Variants in CCDC192 observed in about 807,000 individuals in gnomAD.
CCDC192 encodes the protein coiled-coil domain containing 192, also known as coiled-coil domain-containing protein 192.
At chr5:127,865,238 C>T (rs754159722) in intron 5 of CCDC192, among the ~76,000 whole-genome samples, 10 of 152,116 alleles carry the variant, frequency 6.6e-5, no homozygotes. Flanking sequence ...GAACAAAAAG[C>T]TTCTCTAAAT....
intron 6 of CCDC192, among the ~76,000 whole-genome samples, chr5:127,886,572 C>T (rs1752567060): frequency 6.6e-6 from 1 of 152,142 alleles, no homozygotes; most frequent in South Asian, 2.1e-4. Flanking sequence ...GTTTTCTCTT[C>T]CTTATGATTT....
chr5:127,777,349 A>G (rs1019318074), intron 3 of CCDC192, among the ~76,000 whole-genome samples: 22 of 152,008 alleles, frequency 1.4e-4, no homozygotes, highest in African/African-American at 4.1e-4. Context: ...GGTTGGGCCA[A>G]TTTCTCCCAT....
At chr5:127,796,344 C>T (rs1757164279) in intron 3 of CCDC192, among the ~76,000 whole-genome samples, 1 of 152,024 alleles carries the variant, frequency 6.6e-6, no homozygotes, top group Non-Finnish European at 1.5e-5. Context: ...CAGAGAATGC[C>T]CTGGGAGTTG....
intron 3 of CCDC192, among the ~76,000 whole-genome samples, chr5:127,779,411 T>C (rs1756057478): frequency 6.6e-6 from 1 of 152,130 alleles, no homozygotes; most frequent in African/African-American, 2.4e-5. Flanking sequence ...TTCTTCTGCC[T>C]CAGCCTCCCA....
intron 2 of CCDC192, among the ~76,000 whole-genome samples, chr5:127,746,382 G>C (rs182759090): frequency 6.6e-6 from 1 of 152,308 alleles, no homozygotes; most frequent in African/African-American, 2.4e-5. Context: ...AGAAGGCCTG[G>C]AGATATGGAT....
At chr5:127,929,513 T>C (rs1753959742) in intron 6 of CCDC192, among the ~76,000 whole-genome samples, 1 of 152,208 alleles carries the variant, frequency 6.6e-6, no homozygotes, top group Non-Finnish European at 1.5e-5. Flanking sequence ...CATTCAAGTG[T>C]CCTGTCATCA....
At chr5:127,865,883 T>G (rs941771429) in intron 5 of CCDC192, among the ~76,000 whole-genome samples, 8 of 152,070 alleles carry the variant, frequency 5.3e-5, no homozygotes, top group African/African-American at 1.9e-4. Flanking sequence ...GCTTTGTGCC[T>G]ATAGTACCCT....
chr5:127,939,006 G>A (rs909958819), intron 6 of CCDC192, among the ~76,000 whole-genome samples: 1 of 152,052 alleles, frequency 6.6e-6, no homozygotes, highest in Admixed American at 6.5e-5. Context: ...CTCCTGGGCT[G>A]GAAAGCACAG....
At chr5:127,854,626 T>C (rs1169439395) in intron 5 of CCDC192, among the ~76,000 whole-genome samples, 1 of 152,184 alleles carries the variant, frequency 6.6e-6, no homozygotes. Flanking sequence ...GACTCCTGCA[T>C]ATCTAACCTA....
chr5:127,779,452 C>T lies in CCDC192; in HGVS notation c.223-17651C>T, dbSNP rs553402830. Among the ~76,000 whole-genome samples, 147 of 152,032 alleles carry T rather than the reference C, an allele frequency of 9.7e-4. 1 individual carries two copies. Among genetic ancestry groups the T allele is most frequent in the African/African-American group, 3.4e-3 (142 of 41,412 alleles). On this transcript the variant is annotated intron_variant, in intron 3 of 6. Transcript: ENST00000514853. Reference sequence around the variant, plus strand: ...CTGGGACTACAGGTGCCCGCCACCACGCCTGGCTAATTTATTGTATTTTTA... The same window carrying T: ...CTGGGACTACAGGTGCCCGCCACCATGCCTGGCTAATTTATTGTATTTTTA...
intron 2 of CCDC192, among the ~76,000 whole-genome samples, chr5:127,735,807 A>G (rs1205027584): frequency 7.4e-6 from 1 of 134,360 alleles, no homozygotes; most frequent in Admixed American, 7.8e-5. Context: ...GAAGTTGCTT[A>G]TCAGCTTAAG....
intron 3 of CCDC192, among the ~76,000 whole-genome samples, chr5:127,757,633 C>T (rs549275143): frequency 6.6e-6 from 1 of 151,918 alleles, no homozygotes; most frequent in East Asian, 2.0e-4. Context: ...TAAGAATGTT[C>T]TTGAGAATAT....
At chr5:127,854,266 C>A (rs562032891) in intron 5 of CCDC192, among the ~76,000 whole-genome samples, 222 of 152,274 alleles carry the variant, frequency 1.5e-3, no homozygotes, top group African/African-American at 5.1e-3. Flanking sequence ...CAGAGACAAT[C>A]TCTTCAATTA....
intron 6 of CCDC192, among the ~76,000 whole-genome samples, chr5:127,915,415 G>A (rs556069423): frequency 1.3e-4 from 20 of 152,164 alleles, no homozygotes; most frequent in African/African-American, 3.9e-4. Flanking sequence ...ATGGAGCCTC[G>A]CTGTCGCCCA....
chr5:127,805,938 G>C (rs1012927711), intron 5 of CCDC192, among the ~76,000 whole-genome samples: 2 of 152,116 alleles, frequency 1.3e-5, no homozygotes, highest in Non-Finnish European at 2.9e-5. Context: ...AGTGGGTCTT[G>C]CTGCCAAGCT....
At chr5:127,767,544 T>G (rs1243377328) in intron 3 of CCDC192, among the ~76,000 whole-genome samples, 2 of 152,192 alleles carry the variant, frequency 1.3e-5, no homozygotes, top group African/African-American at 4.8e-5. Context: ...ATATTATTGC[T>G]TTTTGACCTT....
chr5:127,931,468 T>C (rs1355410822), intron 6 of CCDC192, among the ~76,000 whole-genome samples: 3 of 152,188 alleles, frequency 2.0e-5, no homozygotes, highest in Non-Finnish European at 4.4e-5. Flanking sequence ...CTTTGTCAAG[T>C]AGCCAGCACA....
intron 2 of CCDC192, among the ~76,000 whole-genome samples, chr5:127,749,402 T>A (rs1753988069): frequency 6.6e-6 from 1 of 152,152 alleles, no homozygotes; most frequent in Non-Finnish European, 1.5e-5. Flanking sequence ...TCTTTTTATA[T>A]GCTGGATTAC....
intron 2 of CCDC192, among the ~76,000 whole-genome samples, chr5:127,724,054 G>T (rs530382460): frequency 6.6e-6 from 1 of 152,236 alleles, no homozygotes; most frequent in African/African-American, 2.4e-5. Context: ...ATTGAATGAG[G>T]TTATGCATTA....
Sources: gnomAD v4.1 joint callset for allele counts (sites outside exome capture counted in the v4.1 genomes callset) on GRCh38, gnomAD v4.1.1 for gene constraint, MANE v1.5 for transcripts, NCBI Gene and HGNC (gene_info 2026-07-23, HGNC 2026-07-21) for gene names.